Variants in ZSWIM8 observed in about 807,000 individuals in gnomAD.
ZSWIM8 encodes the protein zinc finger SWIM domain-containing protein 8.
A neutral mutation model predicts 173.7 loss-of-function variants in ZSWIM8; 27 were observed. The observed-to-expected ratio is 0.16, with a 90% CI of 0.11 to 0.21. ZSWIM8 has a LOEUF of 0.21. Ranked by LOEUF, ZSWIM8 falls within the 10% of genes least tolerant of loss-of-function variation. The probability of loss-of-function intolerance (pLI) is 1.00; values close to 1 mark genes in which losing one functional copy is unlikely to be tolerated. For missense variants in ZSWIM8, 1,627 were observed against 2,428.8 expected, an observed-to-expected ratio of 0.67 and a Z score of 6.94; for synonymous variants, 958 against 962.0, an observed-to-expected ratio of 1.00 and a Z score of 0.08.
intron 11 of ZSWIM8, 61 bp from the exon 12 acceptor site, chr10:73,793,804 C>T (rs1234038713): frequency 9.7e-6 from 15 of 1,546,742 alleles, no homozygotes; most frequent in Non-Finnish European, 3.5e-6. Flanking sequence ...GAGCATCCTT[C>T]TACCTCCACC....
Position 73,794,176 on chromosome 10 carries a change from G to A in ZSWIM8, c.2655G>A (p.Val885=), listed in dbSNP as rs769130893. The A allele has an allele frequency of 6.2e-7, 1 of 1,614,052 alleles. No homozygotes were observed. Among genetic ancestry groups the A allele is most frequent in the Non-Finnish European group, 8.5e-7 (1 of 1,179,896 alleles). Residue 885 remains valine, a synonymous_variant, in exon 13 of 26, where the codon GTG becomes GTA. Coordinates refer to ENST00000604729, the MANE Select transcript of ZSWIM8 (RefSeq NM_001367799.1). ...AGCTGGCATACCAGGAGTCTGAGGTGGCTGCCCTGCTCAAGAAGATCCCTC... is the reference window on the plus strand; with the variant it reads ...AGCTGGCATACCAGGAGTCTGAGGTAGCTGCCCTGCTCAAGAAGATCCCTC... ...EVKLAYQESE[V]AALLKKIPLG... is the part of the protein sequence containing the mutation.
chr10:73,791,488 C>T lies in ZSWIM8; in HGVS notation c.1308C>T (p.Leu436=), dbSNP rs1565073563. The change falls in exon 9 of 26, where the codon CTC becomes CTT. Residue 436 remains leucine (L), a synonymous_variant. Transcript: ENST00000604729. The surrounding 1 kb of genome is among the most constrained non-coding windows in gnomAD (Gnocchi z 6.0). ...LWRLAVLDPA[L]SPQRRRELCT... ...GGCTGGCCGTGCTGGACCCTGCACT[C>T]AGCCCCCAGCGGTGAGTCTCCCCTG... 6.2e-7 allele frequency: 1 copy of T among 1,601,176 alleles called. No individual in the cohort carries two copies. The highest frequency in any genetic ancestry group is 8.5e-7 in the Non-Finnish European group (1 of 1,170,702).
In ZSWIM8 at chr10:73,797,170, G is replaced by A; in HGVS notation, c.3332G>A (p.Arg1111Lys). 6.2e-7 allele frequency: 1 copy of A among 1,613,892 alleles called. No individual in the cohort carries two copies. The highest frequency in any genetic ancestry group is 8.5e-7 in the Non-Finnish European group (1 of 1,179,848). Residue 1111 changes from arginine (R) to lysine (K), a missense_variant, in exon 17 of 26, where the codon AGG (arginine) becomes AAG (lysine). Physicochemically the swap from Arg to Lys is conservative, Grantham distance 26. Coordinates refer to ENST00000604729, the MANE Select transcript of ZSWIM8 (RefSeq NM_001367799.1). The surrounding 1 kb of genome is among the most constrained non-coding windows in gnomAD (Gnocchi z 5.6). ...GLPSEAALTP[R>K]PEGKVPSRLA... ...CCATCTGAGGCAGCTTTGACCCCAAGGCCAGAAGGGAAGGTTCCTAGCCGC... is the reference window on the plus strand; with the variant it reads ...CCATCTGAGGCAGCTTTGACCCCAAAGCCAGAAGGGAAGGTTCCTAGCCGC...
chr10:73,793,405 A>G (rs555848849), intron 10 of ZSWIM8, among the ~76,000 whole-genome samples, 183 bp from the exon 11 acceptor site: 3 of 152,132 alleles, frequency 2.0e-5, no homozygotes, highest in African/African-American at 7.2e-5. Flanking sequence ...TTTCCCTGTA[A>G]TAGCTGGCAT....
In ZSWIM8 at chr10:73,786,100, G is replaced by A. The variant is rs752284889; in HGVS notation, c.208+14G>A. On this transcript the variant is annotated intron_variant, in intron 1 of 25. Transcript: ENST00000604729. ...CCAGAATGCGAGGTGAGAGTGAGCT[G>A]GGGGGAAGAGGAGCGGCAGGCCCTG... 1 of 1,536,606 alleles carries A rather than the reference G, an allele frequency of 6.5e-7. No homozygotes were observed. Among genetic ancestry groups the A allele is most frequent in the Admixed American group, 1.9e-5 (1 of 52,480 alleles).
At chr10:73,793,479 G>C in intron 10 of ZSWIM8, 109 bp from the exon 11 acceptor site, 1 of 1,292,862 alleles carries the variant, frequency 7.7e-7, no homozygotes. Flanking sequence ...GCGGCACAGG[G>C]CCTGGCATGT....
chr10:73,801,028 G>C lies in ZSWIM8; in HGVS notation c.5134G>C (p.Val1712Leu). 1 of 1,550,198 alleles carries C rather than the reference G, an allele frequency of 6.5e-7. No homozygotes were observed. Among genetic ancestry groups the C allele is most frequent in the Non-Finnish European group, 8.7e-7 (1 of 1,146,138 alleles). Residue 1712 changes from valine (V) to leucine (L), a missense_variant, in exon 25 of 26, where the codon GTG (valine) becomes CTG (leucine). Physicochemically the swap from Val to Leu is conservative, Grantham distance 32. Coordinates refer to ENST00000604729, the MANE Select transcript of ZSWIM8 (RefSeq NM_001367799.1). This position sits in a 1 kb window ranked among gnomAD's most constrained non-coding sequence, Gnocchi z 4.9. ...GLAAKLGVNY[V>L]HQFCVGAAKG... ...CCCCTGCCCCCCAGGAGTGAACTAC[G>C]TGCACCAGTTCTGTGTGGGGGCAGC...
intron 7 of ZSWIM8, 98 bp downstream of exon 7, chr10:73,790,390 C>T: frequency 6.7e-7 from 1 of 1,487,138 alleles, no homozygotes. Flanking sequence ...GTGACCCCTA[C>T]CTTTTATTCC....
Position 73,789,938 on chromosome 10 carries a change from C to T in ZSWIM8, c.739-18C>T, listed in dbSNP as rs1002907182. 15 of 1,610,166 alleles carry T rather than the reference C, an allele frequency of 9.3e-6. No individual in the cohort carries two copies. The highest frequency in any genetic ancestry group is 4.5e-5 in the East Asian group (2 of 44,748). On this transcript the variant is annotated intron_variant, in intron 5 of 25. Coordinates refer to ENST00000604729, the MANE Select transcript of ZSWIM8 (RefSeq NM_001367799.1). The surrounding 1 kb of genome is among the most constrained non-coding windows in gnomAD (Gnocchi z 6.8). ...ACCTAGGCCGTGTTCTGCCTGCCTC[C>T]GTCTCTTTCTCCCTCAGATCCTCCC...
chr10:73,791,540 C>T lies in ZSWIM8; in HGVS notation c.1319+41C>T. 3 of 1,541,170 alleles carry T rather than the reference C, an allele frequency of 1.9e-6. No homozygotes were observed. The South Asian group carries it at 3.6e-5, about 19-fold the overall frequency. On this transcript the variant is annotated intron_variant, in intron 9 of 25. Transcript: ENST00000604729. The surrounding 1 kb of genome is among the most constrained non-coding windows in gnomAD (Gnocchi z 6.0). ...GGCTCACCACAGAACTGAGCCTGGG[C>T]CAGCTCAGGACAGACTGAGCCTTCA...
chr10:73,801,036 G>A lies in ZSWIM8; in HGVS notation c.5142G>A (p.Gln1714=). 1 of 1,553,294 alleles carries A rather than the reference G, an allele frequency of 6.4e-7. No individual in the cohort carries two copies. The highest frequency in any genetic ancestry group is 8.7e-7 in the Non-Finnish European group (1 of 1,148,292). The part of the protein sequence containing the change: ...AAKLGVNYVH[Q]FCVGAAKGVL... ...CCCCAGGAGTGAACTACGTGCACCA[G>A]TTCTGTGTGGGGGCAGCCAAGGGGG... The change falls in exon 25 of 26, where the codon CAG becomes CAA. Residue 1714 remains glutamine (Q), a synonymous_variant. Coordinates refer to ENST00000604729, the MANE Select transcript of ZSWIM8 (RefSeq NM_001367799.1). The surrounding 1 kb of genome is among the most constrained non-coding windows in gnomAD (Gnocchi z 4.9).
intron 21 of ZSWIM8, 102 bp from the exon 22 acceptor site, chr10:73,799,909 T>G: frequency 7.9e-7 from 1 of 1,273,286 alleles, no homozygotes; most frequent in Admixed American, 1.9e-5. Context: ...CGAGACTCTA[T>G]CTCAAAAAAA....
At position 73,791,797 on chromosome 10, in the gene ZSWIM8, C is replaced by T. The variant is rs376221648; in HGVS notation, c.1320-62C>T. The T allele has an allele frequency of 5.5e-6, 8 of 1,461,816 alleles. No homozygotes were observed. The East Asian group carries it at 2.0e-4, about 37-fold the overall frequency. The allele number at this position is 1,461,816 out of a possible 1,614,324, so 90.6% of individuals were successfully genotyped here. ...CCATGCCTCTCTTTGGGGTGTACAC[C>T]TACTCCATGCCCATCCTTTCCCAGT... On this transcript the variant is annotated intron_variant, in intron 9 of 25. Coordinates refer to ENST00000604729, the MANE Select transcript of ZSWIM8 (RefSeq NM_001367799.1). This position sits in a 1 kb window ranked among gnomAD's most constrained non-coding sequence, Gnocchi z 6.0.
At position 73,792,095 on chromosome 10, in the gene ZSWIM8, C is replaced by A; in HGVS notation, c.1556C>A (p.Ser519Tyr). 6.5e-7 allele frequency: 1 copy of A among 1,532,386 alleles called. No individual in the cohort carries two copies. The highest frequency in any genetic ancestry group is 8.8e-7 in the Non-Finnish European group (1 of 1,133,806). The allele number at this position is 1,532,386 out of a possible 1,614,324, so 94.9% of individuals were successfully genotyped here. The change falls in exon 10 of 26, where the codon TCC (serine) becomes TAC (tyrosine). Residue 519 changes from serine (S) to tyrosine (Y), a missense_variant. Ser to Tyr is a moderately radical substitution (Grantham distance 144). This residue lies in a region of ZSWIM8 where 383 missense variants were observed against 394.8 expected (regional missense o/e 0.97). Coordinates refer to ENST00000604729, the MANE Select transcript of ZSWIM8 (RefSeq NM_001367799.1). This position sits in a 1 kb window ranked among gnomAD's most constrained non-coding sequence, Gnocchi z 4.3. ...GCCCTGCCCTCTCGGCCAGGTGCCT[C>A]CCGCTCTGGGGGCCTGGAGGAATCC... ...ARALPSRPGA[S>Y]RSGGLEESRD...
At chr10:73,799,970 AT>A in intron 21 of ZSWIM8, 40 bp from the exon 22 acceptor site, 1 of 1,598,886 alleles carries the variant, frequency 6.3e-7, no homozygotes. Flanking sequence ...CAACATCCTA[AT>A]CAAGTTTGGC....
chr10:73,785,661 A>G lies in ZSWIM8; in HGVS notation c.-218A>G, dbSNP rs1437301865. The G allele has an allele frequency of 3.2e-6, 2 of 627,972 alleles. No homozygotes were observed. The highest frequency in any genetic ancestry group is 5.9e-6 in the Non-Finnish European group (2 of 336,468). The allele number at this position is 627,972 out of a possible 1,614,324, so 38.9% of individuals were successfully genotyped here. On this transcript the variant is annotated 5_prime_UTR_variant, in exon 1 of 26. Transcript: ENST00000604729. The stretch of plus-strand genomic sequence containing the variant: ...TTCGTCCCGGCCCTAAGTCTCGGAG[A>G]CTGGCCAAGATCACCGCTTGCACCG...
Position 73,800,162 on chromosome 10 carries a change from G to A in ZSWIM8, c.4817G>A (p.Ser1606Asn), listed in dbSNP as rs1288837118. ...GAGCCAGGGCTTCCACTGCCCACCA[G>A]TGTGGCCTGTGAGTTGTGGGGCCAG... ...HTEPGLPLPT[S>N]VALSSVHPAS... The change falls in exon 22 of 26, where the codon AGT (serine) becomes AAT (asparagine). Residue 1606 changes from serine to asparagine, a missense_variant. By Grantham distance (46) the Ser-to-Asn change is conservative. Transcript: ENST00000604729. This position sits in a 1 kb window ranked among gnomAD's most constrained non-coding sequence, Gnocchi z 4.1. 1.2e-6 allele frequency: 2 copies of A among 1,613,570 alleles called. No individual in the cohort carries two copies. The highest frequency in any genetic ancestry group is 1.7e-5 in the Admixed American group (1 of 59,992).
chr10:73,790,041 A>G lies in ZSWIM8; in HGVS notation c.820+4A>G, dbSNP rs1408208188. 1.9e-6 allele frequency: 3 copies of G among 1,610,642 alleles called. No homozygotes were observed. Among genetic ancestry groups the G allele is most frequent in the Non-Finnish European group, 2.5e-6 (3 of 1,178,664 alleles). On this transcript the variant is annotated splice_donor_region_variant and intron_variant, in intron 6 of 25. Coordinates refer to ENST00000604729, the MANE Select transcript of ZSWIM8 (RefSeq NM_001367799.1). ...AATACAGTGTGTGGAGCTCCGGGTG[A>G]GTGTGGTGAGAAAGATTGGCAGTAG...
Position 73,800,197 on chromosome 10 carries a change from G to A in ZSWIM8, c.4825+27G>A. 6.2e-7 allele frequency: 1 copy of A among 1,613,198 alleles called. No homozygotes were observed. ...TGAGTTGTGGGGCCAGGGAACAGGT[G>A]AATGGAGGGGAGGCACACTGGGCAG... On this transcript the variant is annotated intron_variant, in intron 22 of 25. Transcript: ENST00000604729. The surrounding 1 kb of genome is among the most constrained non-coding windows in gnomAD (Gnocchi z 4.1).
Sources: gnomAD v4.1 joint callset for allele counts (sites outside exome capture counted in the v4.1 genomes callset) on GRCh38, gnomAD v4.1.1 for gene constraint, gnomAD v4.1.1 regional missense constraint, Gnocchi (gnomAD v3.1) non-coding constraint, MANE v1.5 for transcripts, NCBI Gene and HGNC (gene_info 2026-07-23, HGNC 2026-07-21) for gene names.